The following C8orf34 variants were observed in gnomAD, a reference collection of about 807,000 sequenced individuals.
The protein encoded by C8orf34 is uncharacterized protein C8orf34.
C8orf34 carries 65 observed loss-of-function variants against 68.3 expected under a neutral mutation model. That is an observed-to-expected ratio of 0.95 (90% CI 0.78 to 1.17). The LOEUF is 1.17. C8orf34 is among the 50% of genes most tolerant of loss of function. The pLI, the probability that C8orf34 is intolerant of heterozygous loss-of-function variation, is 0.00. For missense variants in C8orf34, 664 were observed against 655.4 expected (o/e 1.01, Z -0.14); for synonymous variants, 244 against 241.2 (o/e 1.01, Z -0.11).
At chr8:68,331,784 T>TTTTTTTTTC (rs1491138209) in intron 1 of C8orf34, among the ~76,000 whole-genome samples, 401 of 25,380 alleles carry the variant, frequency 0.016, 21 homozygotes, top group Non-Finnish European at 0.025. Context: ...TCTTTCCTTC[T>TTTTTTTTTC]TTTTTTTTTT....
At position 68,798,079 on chromosome 8, in the gene C8orf34, G is replaced by GTT. The variant is rs1824229521; in HGVS notation, c.1549+10544_1549+10545dup. Among the ~76,000 whole-genome samples the GTT allele has an allele frequency of 2.6e-5, 4 of 151,966 alleles. No homozygotes were observed. The South Asian group carries it at 8.3e-4, about 32-fold the overall frequency. On this transcript the variant is annotated intron_variant, in intron 12 of 13. Coordinates refer to ENST00000518698, the MANE Select transcript of C8orf34 (RefSeq NM_052958.4). ...AAAACTTTCTAGTAGTCTGTAGTAG[G>GTT]TTCTTTCAGAAGATCAAAAGAAATC...
At position 68,679,261 on chromosome 8, in the gene C8orf34, T is replaced by C. The variant is rs189754068; in HGVS notation, c.1242-29733T>C. ...AAGATCCCACCACTGCACTCCAGCC[T>C]GGGTGACAGAACGAGACTTTGTCTA... is the stretch of plus-strand genomic sequence containing the variant. On this transcript the variant is annotated intron_variant, in intron 8 of 13. Coordinates refer to ENST00000518698, the MANE Select transcript of C8orf34 (RefSeq NM_052958.4). Among the ~76,000 whole-genome samples the C allele has an allele frequency of 5.8e-3, 875 of 152,078 alleles. 4 individuals are homozygous for C. The highest frequency in any genetic ancestry group is 0.02 in the African/African-American group (831 of 41,486).
At chr8:68,755,538 G>C (rs897609118) in intron 10 of C8orf34, among the ~76,000 whole-genome samples, 1 of 152,114 alleles carries the variant, frequency 6.6e-6, no homozygotes, top group South Asian at 2.1e-4. Context: ...AACTGCTGCC[G>C]GGAGGCTCAG....
At chr8:68,627,341 CGTT>C (rs1818566533) in intron 7 of C8orf34, among the ~76,000 whole-genome samples, 1 of 152,090 alleles carries the variant, frequency 6.6e-6, no homozygotes, top group Non-Finnish European at 1.5e-5. Flanking sequence ...CCTCCTCTGA[CGTT>C]GTCTCTAGAT....
chr8:68,418,627 A>G (rs1378836827), intron 1 of C8orf34, among the ~76,000 whole-genome samples: 1 of 152,226 alleles, frequency 6.6e-6, no homozygotes, highest in Middle Eastern at 3.2e-3. Flanking sequence ...TGGTACCAAA[A>G]CAGAGATATA....
At chr8:68,383,273 T>C (rs1385647421) in intron 1 of C8orf34, among the ~76,000 whole-genome samples, 1 of 152,184 alleles carries the variant, frequency 6.6e-6, no homozygotes, top group Non-Finnish European at 1.5e-5. Flanking sequence ...GTAGAGCACA[T>C]TAAGAGGGGA....
chr8:68,790,985 T>C, intron 12 of C8orf34: 2 of 610,824 alleles, frequency 3.3e-6, no homozygotes, highest in Non-Finnish European at 5.8e-6. Flanking sequence ...GGTCTTCTTT[T>C]TCTAGGCTTC....
chr8:68,603,571 A>ATCTATCTG (rs913903003), intron 7 of C8orf34, among the ~76,000 whole-genome samples: 2 of 107,950 alleles, frequency 1.9e-5, no homozygotes, highest in Admixed American at 9.0e-5. Context: ...CTATCTATCT[A>ATCTATCTG]TCTTTGATCT....
Position 68,705,043 on chromosome 8 carries a change from G to A in C8orf34, c.1242-3951G>A, listed in dbSNP as rs542432372. On this transcript the variant is annotated intron_variant, in intron 8 of 13. Coordinates refer to ENST00000518698, the MANE Select transcript of C8orf34 (RefSeq NM_052958.4). ...GGTACTATAAAGAAGTGATAGATTC[G>A]AGACATTTCTTTAAGAAGTAGATTC... Among the ~76,000 whole-genome samples the A allele has an allele frequency of 4.6e-5, 7 of 152,224 alleles. No homozygotes were observed. The South Asian group carries it at 8.3e-4, about 18-fold the overall frequency.
chr8:68,810,781 C>G (rs918029284), intron 12 of C8orf34, among the ~76,000 whole-genome samples: 14 of 152,104 alleles, frequency 9.2e-5, no homozygotes, highest in Non-Finnish European at 1.5e-4. Flanking sequence ...AGGAGACCCA[C>G]AGTGGGTAGC....
At chr8:68,624,144 C>T (rs960477631) in intron 7 of C8orf34, among the ~76,000 whole-genome samples, 14 of 151,612 alleles carry the variant, frequency 9.2e-5, no homozygotes, top group South Asian at 2.1e-4. Flanking sequence ...TGGTGGTGCA[C>T]GCCTGTAATC....
chr8:68,608,805 A>C (rs967975704), intron 7 of C8orf34, among the ~76,000 whole-genome samples: 10 of 152,118 alleles, frequency 6.6e-5, no homozygotes, highest in African/African-American at 2.4e-4. Flanking sequence ...GCAGCAATCC[A>C]ACAGAGGAAG....
intron 1 of C8orf34, among the ~76,000 whole-genome samples, chr8:68,386,756 C>T (rs976494927): frequency 6.6e-6 from 1 of 152,132 alleles, no homozygotes; most frequent in Non-Finnish European, 1.5e-5. Flanking sequence ...AGCAGGGTTG[C>T]TCAACCTCAG....
At chr8:68,698,929 A>G (rs1166258464) in intron 8 of C8orf34, among the ~76,000 whole-genome samples, 1 of 152,078 alleles carries the variant, frequency 6.6e-6, no homozygotes, top group African/African-American at 2.4e-5. Context: ...GCATGTTGCA[A>G]TACAACTACC....
In C8orf34 at chr8:68,533,009, G is replaced by A; in HGVS notation, c.965G>A (p.Gly322Glu). Residue 322 changes from glycine (G) to glutamate (E), a missense_variant, in exon 7 of 14, where the codon GGA (glycine) becomes GAA (glutamate). Physicochemically the swap from Gly to Glu is moderately conservative, Grantham distance 98. Transcript: ENST00000518698. ...TTAAAGATGGAGCCTAAGAACAAAG[G>A]ATTAAAACAGCAGCAACAGCAACAT... ...GSLKMEPKNK[G>E]LKQQQQQHKK... The A allele has an allele frequency of 6.2e-7, 1 of 1,604,954 alleles. No individual in the cohort carries two copies. The highest frequency in any genetic ancestry group is 1.3e-5 in the African/African-American group (1 of 74,686).
chr8:68,549,587 T>C (rs1815997910), intron 7 of C8orf34, among the ~76,000 whole-genome samples: 1 of 151,770 alleles, frequency 6.6e-6, no homozygotes, highest in Non-Finnish European at 1.5e-5. Flanking sequence ...ATAGTGATTT[T>C]TATATATAAA....
At chr8:68,604,116 T>C (rs925570483) in intron 7 of C8orf34, among the ~76,000 whole-genome samples, 2 of 152,016 alleles carry the variant, frequency 1.3e-5, no homozygotes, top group African/African-American at 2.4e-5. Context: ...TTTCACAAGA[T>C]GAAGCGGAAA....
chr8:68,657,030 C>G (rs1297744195), intron 8 of C8orf34, among the ~76,000 whole-genome samples: 1 of 152,096 alleles, frequency 6.6e-6, no homozygotes, highest in Non-Finnish European at 1.5e-5. Context: ...ATCTTCTGCC[C>G]TGAACCCTAG....
intron 8 of C8orf34, among the ~76,000 whole-genome samples, chr8:68,690,413 A>C (rs1302487085): frequency 6.6e-6 from 1 of 152,064 alleles, no homozygotes; most frequent in Admixed American, 6.6e-5. Flanking sequence ...TGCTGTAACA[A>C]AATATCTTAG....
Sources: allele counts gnomAD v4.1 joint callset (sites outside exome capture counted in the v4.1 genomes callset), GRCh38; gene constraint gnomAD v4.1.1; transcripts MANE v1.5; gene names NCBI Gene and HGNC (gene_info 2026-07-23, HGNC 2026-07-21).